Variants in COL13A1 observed in about 807,000 individuals in gnomAD.
COL13A1 encodes the protein collagen alpha-1(XIII) chain.
Under a neutral mutation model 130.9 loss-of-function variants are expected in COL13A1, and 89 were observed. The ratio of observed to expected loss-of-function variants is 0.68; its 90% CI spans 0.57 to 0.81. COL13A1 has a LOEUF of 0.81. COL13A1 is among the 30% of genes least tolerant of loss of function. The pLI is 0.00. For missense variants in COL13A1, 879 were observed against 934.6 expected (o/e 0.94, Z 0.78); for synonymous variants, 402 against 341.6 (o/e 1.18, Z -1.95).
intron 20 of COL13A1, 90 bp downstream of exon 20, chr10:69,919,178 C>T: frequency 6.4e-7 from 1 of 1,557,466 alleles, no homozygotes; most frequent in Non-Finnish European, 8.8e-7. Flanking sequence ...CTCTTGGTCC[C>T]CCTGAGGCTG....
Position 69,950,503 on chromosome 10 carries a change from C to T in COL13A1, c.2059-2379C>T, listed in dbSNP as rs1271413666. On this transcript the variant is annotated intron_variant, in intron 38 of 40. Coordinates refer to ENST00000645393, the MANE Select transcript of COL13A1 (RefSeq NM_001368882.1). ...GGGATCCCCCACTCTGGCAGATTTG[C>T]CCGGCTTCTTCATTAGGAAACTGCT... 3.3e-5 allele frequency among the ~76,000 whole-genome samples: 5 copies of T among 152,142 alleles called. No individual in the cohort carries two copies. In the East Asian group the frequency reaches 9.6e-4, roughly 29 times the overall value.
At chr10:69,924,935 A>G (rs770126643) in intron 24 of COL13A1, 28 bp from the exon 25 acceptor site, 4 of 1,568,438 alleles carry the variant, frequency 2.6e-6, no homozygotes, top group Non-Finnish European at 2.6e-6. Context: ...CTTTATCCCC[A>G]CTTTGCTCCA....
intron 3 of COL13A1, among the ~76,000 whole-genome samples, chr10:69,869,026 A>G (rs140483441): frequency 6.6e-6 from 1 of 151,300 alleles, no homozygotes; most frequent in African/African-American, 2.4e-5. Flanking sequence ...CACACACCTC[A>G]CCCCCAGGGG....
intron 35 of COL13A1, among the ~76,000 whole-genome samples, chr10:69,943,092 C>T (rs2067896025): frequency 6.6e-6 from 1 of 152,214 alleles, no homozygotes; most frequent in African/African-American, 2.4e-5. Context: ...AGGTGATCCA[C>T]CCGCCTCGGC....
intron 2 of COL13A1, among the ~76,000 whole-genome samples, chr10:69,833,141 C>T (rs1000660465): frequency 1.2e-4 from 19 of 152,180 alleles, no homozygotes; most frequent in African/African-American, 1.7e-4. Context: ...CTCCCAGGGG[C>T]GTCATTCACT....
intron 2 of COL13A1, among the ~76,000 whole-genome samples, chr10:69,837,669 C>A (rs2133140049): frequency 6.6e-6 from 1 of 152,298 alleles, no homozygotes; most frequent in African/African-American, 2.4e-5. Flanking sequence ...GTGGCAGAAT[C>A]CCTGGGGAGC....
At chr10:69,873,703 C>T (rs1382561962) in intron 4 of COL13A1, among the ~76,000 whole-genome samples, 1 of 152,192 alleles carries the variant, frequency 6.6e-6, no homozygotes, top group Admixed American at 6.5e-5. Flanking sequence ...GCCGACCACC[C>T]GCCCTGGCCT....
chr10:69,953,230 G>T (rs1393408079), intron 39 of COL13A1, among the ~76,000 whole-genome samples: 7 of 152,190 alleles, frequency 4.6e-5, no homozygotes, highest in Admixed American at 2.0e-4. Flanking sequence ...GTGGAAGTGA[G>T]GAAACCACTA....
intron 7 of COL13A1, among the ~76,000 whole-genome samples, chr10:69,884,208 G>T (rs888991327): frequency 6.6e-6 from 1 of 152,196 alleles, no homozygotes; most frequent in Non-Finnish European, 1.5e-5. Flanking sequence ...TGGACGGCTG[G>T]CAAGAGTGGA....
At chr10:69,897,368 G>C in intron 13 of COL13A1, 1 of 1,195,836 alleles carries the variant, frequency 8.4e-7, no homozygotes, top group Non-Finnish European at 1.2e-6. Flanking sequence ...GGCTTCCCCA[G>C]GGAGGGAGAG....
At chr10:69,945,938 G>C (rs1016583254) in intron 37 of COL13A1, among the ~76,000 whole-genome samples, 2 of 152,054 alleles carry the variant, frequency 1.3e-5, no homozygotes, top group African/African-American at 4.8e-5. Flanking sequence ...ACGTGTGGTG[G>C]TGCGCACCTG....
At chr10:69,834,458 T>C (rs1306898709) in intron 2 of COL13A1, among the ~76,000 whole-genome samples, 4 of 152,170 alleles carry the variant, frequency 2.6e-5, no homozygotes, top group African/African-American at 9.7e-5. Flanking sequence ...GTTGAGGCAA[T>C]TATGAGCCTC....
At chr10:69,935,109 A>C (rs1173692085) in intron 31 of COL13A1, among the ~76,000 whole-genome samples, 1 of 152,106 alleles carries the variant, frequency 6.6e-6, no homozygotes, top group Non-Finnish European at 1.5e-5. Context: ...ATCTGGAAGA[A>C]TAGATCTTTA....
At chr10:69,864,859 AC>A (rs571352709) in intron 2 of COL13A1, among the ~76,000 whole-genome samples, 4 of 152,188 alleles carry the variant, frequency 2.6e-5, no homozygotes, top group Admixed American at 2.6e-4. Context: ...GAATGTCCCC[AC>A]CCTGGATGGC....
At chr10:69,896,754 C>T (rs964305469) in intron 13 of COL13A1, among the ~76,000 whole-genome samples, 1 of 152,082 alleles carries the variant, frequency 6.6e-6, no homozygotes, top group Non-Finnish European at 1.5e-5. Context: ...AAGGCTACGG[C>T]GGTGCTGGGC....
chr10:69,890,797 C>A (rs559495052), intron 10 of COL13A1, among the ~76,000 whole-genome samples: 12 of 152,242 alleles, frequency 7.9e-5, no homozygotes, highest in Non-Finnish European at 1.2e-4. Flanking sequence ...CTTTGCATGA[C>A]TGTCTCAATC....
At chr10:69,902,915 A>C (rs2062354185) in intron 15 of COL13A1, 60 bp downstream of exon 15, 1 of 1,354,682 alleles carries the variant, frequency 7.4e-7, no homozygotes. Flanking sequence ...GGAAACCTCC[A>C]AACCTTGAAT....
intron 1 of COL13A1, among the ~76,000 whole-genome samples, chr10:69,811,286 G>T (rs1459600815): frequency 6.6e-6 from 1 of 152,214 alleles, no homozygotes; most frequent in African/African-American, 2.4e-5. Context: ...TGCCCCTAAA[G>T]GCTGTTGTGG....
At chr10:69,883,044 T>C (rs1392125565) in intron 7 of COL13A1, among the ~76,000 whole-genome samples, 1 of 152,204 alleles carries the variant, frequency 6.6e-6, no homozygotes, top group African/African-American at 2.4e-5. Context: ...GGGTCCAGCA[T>C]AGATGCTGCT....
Sources: gnomAD v4.1 joint callset for allele counts (sites outside exome capture counted in the v4.1 genomes callset) on GRCh38, gnomAD v4.1.1 for gene constraint, MANE v1.5 for transcripts, NCBI Gene and HGNC (gene_info 2026-07-23, HGNC 2026-07-21) for gene names.